Variants in WDR20 observed in about 807,000 individuals in gnomAD.
WDR20 encodes the protein WD repeat-containing protein 20.
In WDR20, 3 loss-of-function variants were observed where a neutral mutation model predicts 38.7. The ratio of observed to expected loss-of-function variants is 0.08; its 90% CI spans 0.04 to 0.20. The LOEUF is 0.20. WDR20 is among the 10% of genes least tolerant of loss of function. The pLI, the probability that WDR20 is intolerant of heterozygous loss-of-function variation, is 1.00. For missense variants in WDR20, 559 were observed against 727.7 expected (o/e 0.77, Z 2.67); for synonymous variants, 298 against 285.6 (o/e 1.04, Z -0.44).
chr14:102,158,430 T>C (rs2057936982), intron 1 of WDR20, among the ~76,000 whole-genome samples: 1 of 152,132 alleles, frequency 6.6e-6, no homozygotes. Context: ...CCTGAGTAGC[T>C]GAGATTACAG....
In WDR20 at chr14:102,183,072, A is replaced by G. The variant is rs558826578; in HGVS notation, c.250-11866A>G. On this transcript the variant is annotated intron_variant, in intron 1 of 2. Coordinates refer to ENST00000342702, the MANE Select transcript of WDR20 (RefSeq NM_144574.4). The stretch of plus-strand genomic sequence containing the variant: ...GAGCTCTCCGTCTCAGAGAGAGAGA[A>G]AAAAAAAGAAAGTTGTGCCATGAAC... Among the ~76,000 whole-genome samples the G allele has an allele frequency of 6.6e-5, 10 of 152,204 alleles. No individual in the cohort carries two copies. In the East Asian group the frequency reaches 7.7e-4, roughly 12 times the overall value.
chr14:102,210,539 C>T (rs2062344906), downstream of WDR20: 1 of 985,230 alleles, frequency 1.0e-6, no homozygotes. Context: ...CAGTTTGTAG[C>T]ACTTTGATTG....
chr14:102,140,125 A>G lies in WDR20; in HGVS notation c.202A>G (p.Asn68Asp). The G allele has an allele frequency of 6.2e-7, 1 of 1,614,024 alleles. No homozygotes were observed. The highest frequency in any genetic ancestry group is 8.5e-7 in the Non-Finnish European group (1 of 1,180,024). Residue 68 changes from asparagine to aspartate, a missense_variant, in exon 1 of 3, where the codon AAT becomes GAT. By Grantham distance (23) the Asn-to-Asp change is conservative. Coordinates refer to ENST00000342702, the MANE Select transcript of WDR20 (RefSeq NM_144574.4). ...TGGCAACGGCGACCGCCTCTGCTTC[A>G]ATGTGGGCCGGGAGCTGTACTTCTA... ...QSGNGDRLCF[N>D]VGRELYFYIY...
intron 1 of WDR20, among the ~76,000 whole-genome samples, chr14:102,170,915 T>C (rs1030348527): frequency 6.6e-6 from 1 of 152,118 alleles, no homozygotes; most frequent in Non-Finnish European, 1.5e-5. Context: ...TTTTTTCCCT[T>C]TATTTTTCTT....
intron 2 of WDR20, among the ~76,000 whole-genome samples, chr14:102,206,606 C>T (rs1459869785): frequency 6.6e-6 from 1 of 152,154 alleles, no homozygotes; most frequent in Non-Finnish European, 1.5e-5. Flanking sequence ...ATGTAAGGTG[C>T]AGGAATTGGG....
chr14:102,177,476 A>T (rs2062405087), intron 1 of WDR20, among the ~76,000 whole-genome samples: 1 of 152,136 alleles, frequency 6.6e-6, no homozygotes, highest in African/African-American at 2.4e-5. Flanking sequence ...AAGGGAGTCT[A>T]CTAGCTATGA....
At chr14:102,179,208 A>G (rs1006670045) in intron 1 of WDR20, among the ~76,000 whole-genome samples, 1 of 152,104 alleles carries the variant, frequency 6.6e-6, no homozygotes, top group African/African-American at 2.4e-5. Flanking sequence ...TTAAAAAAAG[A>G]CTATTTTCTA....
chr14:102,140,909 G>A (rs951460137), intron 1 of WDR20, among the ~76,000 whole-genome samples: 1 of 152,198 alleles, frequency 6.6e-6, no homozygotes, highest in Non-Finnish European at 1.5e-5. Context: ...GAGGGGTTGT[G>A]TGAGAGTGCC....
chr14:102,178,505 G>T (rs1291322823), intron 1 of WDR20, among the ~76,000 whole-genome samples: 1 of 152,016 alleles, frequency 6.6e-6, no homozygotes, highest in Non-Finnish European at 1.5e-5. Flanking sequence ...TACACCAGTG[G>T]TTCTCTTAGG....
chr14:102,197,102 A>T (rs2059539573), intron 2 of WDR20, among the ~76,000 whole-genome samples: 1 of 152,298 alleles, frequency 6.6e-6, no homozygotes, highest in East Asian at 1.9e-4. Context: ...ACTTTTACCT[A>T]TGGCCTCTAC....
chr14:102,191,007 A>G (rs1390571052), intron 1 of WDR20, among the ~76,000 whole-genome samples: 1 of 152,000 alleles, frequency 6.6e-6, no homozygotes, highest in Non-Finnish European at 1.5e-5. Context: ...TCTCAAAAAA[A>G]AAAAAAAAGA....
At chr14:102,189,048 A>G (rs528499579) in intron 1 of WDR20, among the ~76,000 whole-genome samples, 13 of 151,618 alleles carry the variant, frequency 8.6e-5, no homozygotes, top group African/African-American at 3.1e-4. Context: ...CGTCTCTACA[A>G]AAAATACAAA....
intron 1 of WDR20, among the ~76,000 whole-genome samples, chr14:102,173,375 A>C (rs1162108438): frequency 6.6e-6 from 1 of 151,240 alleles, no homozygotes; most frequent in Non-Finnish European, 1.5e-5. Context: ...TGGCCTCCCA[A>C]AGTGCTGGGA....
At chr14:102,162,630 G>T (rs946959409) in intron 1 of WDR20, among the ~76,000 whole-genome samples, 2 of 148,652 alleles carry the variant, frequency 1.3e-5, no homozygotes, top group Non-Finnish European at 3.0e-5. Flanking sequence ...ACGCTCTCTC[G>T]CCCTCTCACA....
At chr14:102,171,000 C>T (rs1435709002) in intron 1 of WDR20, among the ~76,000 whole-genome samples, 1 of 151,934 alleles carries the variant, frequency 6.6e-6, no homozygotes, top group Admixed American at 6.6e-5. Flanking sequence ...CTAGCTCTGT[C>T]ACCCAGGCTA....
chr14:102,214,948 C>T, downstream of WDR20: 4 of 985,156 alleles, frequency 4.1e-6, no homozygotes, highest in Non-Finnish European at 4.8e-6. Flanking sequence ...TTCTGAAGTA[C>T]TGTGGGGCTG....
intron 1 of WDR20, chr14:102,167,294 A>C (rs1447234098): frequency 6.6e-6 from 1 of 152,172 alleles, no homozygotes; most frequent in African/African-American, 2.4e-5. Flanking sequence ...CCCACCGGTA[A>C]CCTCAAACTC....
chr14:102,175,920 G>A (rs1254746875), intron 1 of WDR20, among the ~76,000 whole-genome samples: 2 of 152,168 alleles, frequency 1.3e-5, no homozygotes, highest in Admixed American at 1.3e-4. Context: ...AAACTTTACT[G>A]AATTCATTTA....
chr14:102,165,640 T>TC (rs200218327), intron 1 of WDR20, among the ~76,000 whole-genome samples: 10 of 147,370 alleles, frequency 6.8e-5, no homozygotes, highest in Admixed American at 1.3e-4. Context: ...TCTTTTCTTT[T>TC]TTTTTTTTTT....
Sources: allele counts gnomAD v4.1 joint callset (sites outside exome capture counted in the v4.1 genomes callset), GRCh38; gene constraint gnomAD v4.1.1; transcripts MANE v1.5; gene names NCBI Gene and HGNC (gene_info 2026-07-23, HGNC 2026-07-21).